MMD2: variants seen among roughly 807,000 people sequenced by gnomAD.
MMD2 encodes monocyte to macrophage differentiation associated 2.
Under a neutral mutation model 33.5 loss-of-function variants are expected in MMD2, and 30 were observed. The observed-to-expected ratio is 0.90, with a 90% CI of 0.67 to 1.22. MMD2 has a LOEUF of 1.22. MMD2 is among the 50% of genes most tolerant of loss of function. The probability of loss-of-function intolerance (pLI) is 0.00; values close to 1 mark genes in which losing one functional copy is unlikely to be tolerated. For missense variants in MMD2, 364 were observed against 325.4 expected (o/e 1.12, Z -0.91); for synonymous variants, 129 against 123.0 (o/e 1.05, Z -0.32).
At chr7:4,896,251 G>C in the MMD2 span, among the ~76,000 whole-genome samples, 10 of 152,222 alleles carry the variant, frequency 6.6e-5, no homozygotes, top group East Asian at 1.9e-3. Flanking sequence ...AGGCTGAGGC[G>C]GGTGGACTGC....
the MMD2 span, among the ~76,000 whole-genome samples, chr7:4,898,023 C>T: frequency 6.6e-6 from 1 of 152,208 alleles, no homozygotes; most frequent in Non-Finnish European, 1.5e-5. Flanking sequence ...CAGGTGTGAG[C>T]CACCGCACCC....
chr7:4,933,818 AG>A (rs1170262738), intron 1 of MMD2, among the ~76,000 whole-genome samples: 2 of 151,914 alleles, frequency 1.3e-5, no homozygotes, highest in Non-Finnish European at 2.9e-5. Flanking sequence ...TTTTTTGTAG[AG>A]ACAGGCTCTT....
At chr7:4,902,249 AC>A (rs1462068242), downstream of MMD2, among the ~76,000 whole-genome samples, 1 of 152,052 alleles carries the variant, frequency 6.6e-6, no homozygotes, top group Non-Finnish European at 1.5e-5. Context: ...ACCACGCCCC[AC>A]CAAAAAAAAT....
At chr7:4,933,776 G>A (rs1210716587) in intron 1 of MMD2, among the ~76,000 whole-genome samples, 2 of 151,802 alleles carry the variant, frequency 1.3e-5, no homozygotes, top group South Asian at 2.1e-4. Flanking sequence ...GAGACCACAG[G>A]TACACACCAC....
At chr7:4,915,552 C>G (rs1390514385) in intron 4 of MMD2, among the ~76,000 whole-genome samples, 3 of 151,910 alleles carry the variant, frequency 2.0e-5, no homozygotes, top group African/African-American at 7.2e-5. Context: ...GCAGCCTGGC[C>G]AACATGGTGA....
At chr7:4,913,567 A>G (rs567263733) in intron 4 of MMD2, among the ~76,000 whole-genome samples, 2 of 151,930 alleles carry the variant, frequency 1.3e-5, no homozygotes, top group East Asian at 3.9e-4. Flanking sequence ...AAAATACAAA[A>G]ATTAGTTGGG....
intron 1 of MMD2, among the ~76,000 whole-genome samples, chr7:4,933,972 T>C (rs558502668): frequency 9.8e-4 from 131 of 133,518 alleles, no homozygotes; most frequent in Non-Finnish European, 1.7e-3. Flanking sequence ...GACAGTCTCC[T>C]AGGCTGGAGT....
the MMD2 span, among the ~76,000 whole-genome samples, chr7:4,896,438 C>T: frequency 1.3e-5 from 2 of 152,160 alleles, no homozygotes; most frequent in Admixed American, 1.3e-4. Context: ...ACAGATTGTG[C>T]CACTGCACTC....
chr7:4,925,701 C>A (rs1199114919), intron 1 of MMD2, among the ~76,000 whole-genome samples, 169 bp from the exon 2 acceptor site: 1 of 152,164 alleles, frequency 6.6e-6, no homozygotes, highest in Non-Finnish European at 1.5e-5. Context: ...CTCCCTCACT[C>A]TTTCCGATCA....
At chr7:4,955,173 G>T (rs1786350017) in intron 1 of MMD2, among the ~76,000 whole-genome samples, 1 of 152,124 alleles carries the variant, frequency 6.6e-6, no homozygotes, top group Non-Finnish European at 1.5e-5. Context: ...ACCTTTACAT[G>T]CATGAATCTA....
intron 4 of MMD2, among the ~76,000 whole-genome samples, chr7:4,913,862 C>T (rs1583360182): frequency 6.6e-6 from 1 of 152,042 alleles, no homozygotes. Flanking sequence ...GGGGTTTCAC[C>T]GTGTTAGCCA....
rs186727111 is a variant in MMD2, at chr7:4,910,412, G to A, written c.468-462C>T. ...GAGGTTCCTGGGCTCTGAGACTGCA[G>A]GAAGTCTGTTATGTTCTTTTGCTTG... On this transcript the variant is annotated intron_variant, in intron 5 of 6. Coordinates refer to ENST00000401401, the MANE Select transcript of MMD2 (RefSeq NM_198403.4). 4.7e-4 allele frequency among the ~76,000 whole-genome samples: 72 copies of A among 152,226 alleles called. 2 individuals are homozygous for A. Among genetic ancestry groups the A allele is most frequent in the Admixed American group, 2.8e-3 (43 of 15,278 alleles).
chr7:4,911,335 C>T (rs780170699), intron 4 of MMD2, 89 bp from the exon 5 acceptor site: 1 of 1,056,126 alleles, frequency 9.5e-7, no homozygotes, highest in Non-Finnish European at 1.4e-6. Flanking sequence ...GGAAATGGAC[C>T]CCAGGGAAGT....
In MMD2 at chr7:4,907,466, C is replaced by T. The variant is rs1583352427; in HGVS notation, c.671G>A (p.Gly224Asp). 1 of 1,613,980 alleles carries T rather than the reference C, an allele frequency of 6.2e-7. No individual in the cohort carries two copies. The highest frequency in any genetic ancestry group is 1.1e-5 in the South Asian group (1 of 91,080). Residue 224 changes from glycine (G) to aspartate (D), a missense_variant, in exon 7 of 7, where the codon GGT (glycine) becomes GAT (aspartate). Gly to Asp is a moderately conservative substitution (Grantham distance 94, BLOSUM62 -1). Coordinates refer to ENST00000401401, the MANE Select transcript of MMD2 (RefSeq NM_198403.4). The part of the protein sequence containing the change: ...IWHLFVAFGA[G>D]THYYAIWRYL... The stretch of plus-strand genomic sequence containing the variant: ...CCTCCAGATGGCATAGTAGTGGGTA[C>T]CAGCACCAAATGCTACAAAGAGATG...
At chr7:4,951,943 T>A (rs1786255246) in intron 1 of MMD2, among the ~76,000 whole-genome samples, 1 of 152,036 alleles carries the variant, frequency 6.6e-6, no homozygotes, top group Admixed American at 6.6e-5. Flanking sequence ...CACCATGTTA[T>A]CCAGGTTGGT....
chr7:4,916,148 G>A (rs550142718), intron 3 of MMD2, 69 bp from the exon 4 acceptor site: 107 of 1,473,148 alleles, frequency 7.3e-5, no homozygotes, highest in East Asian at 2.3e-4. Flanking sequence ...CCCCAGAGCC[G>A]TGCCCTGGAC....
intron 1 of MMD2, among the ~76,000 whole-genome samples, chr7:4,941,142 G>A (rs1785897516): frequency 6.6e-6 from 1 of 152,102 alleles, no homozygotes; most frequent in Non-Finnish European, 1.5e-5. Context: ...TCCTGGGTCG[G>A]CCTCTGTGAA....
chr7:4,952,786 G>A (rs1199414214), intron 1 of MMD2, among the ~76,000 whole-genome samples: 4 of 151,210 alleles, frequency 2.6e-5, no homozygotes, highest in Non-Finnish European at 5.9e-5. Context: ...CCGCCTCCTG[G>A]GTTCAAGCAA....
intron 1 of MMD2, among the ~76,000 whole-genome samples, chr7:4,934,632 T>C (rs1583385152): frequency 6.6e-6 from 1 of 152,276 alleles, no homozygotes; most frequent in Non-Finnish European, 1.5e-5. Context: ...CATGAGCACA[T>C]GGCCATGGCT....
Sources: gnomAD v4.1 joint callset for allele counts (sites outside exome capture counted in the v4.1 genomes callset) on GRCh38, gnomAD v4.1.1 for gene constraint, MANE v1.5 for transcripts, NCBI Gene and HGNC (gene_info 2026-07-23, HGNC 2026-07-21) for gene names.